Variants in PDGFC observed in about 807,000 individuals in gnomAD.
PDGFC encodes the protein platelet derived growth factor C, also known as platelet-derived growth factor C.
In PDGFC, 12 loss-of-function variants were observed where a neutral mutation model predicts 35.5. That is an observed-to-expected ratio of 0.34 (90% CI 0.22 to 0.55). The LOEUF (loss-of-function observed/expected upper bound fraction) is 0.55, where lower values mean the gene tolerates loss of function less well. Ranked by LOEUF, PDGFC falls within the 20% of genes least tolerant of loss-of-function variation. The probability of loss-of-function intolerance (pLI) is 0.91; values close to 1 mark genes in which losing one functional copy is unlikely to be tolerated. For synonymous variants in PDGFC, 159 were observed against 148.8 expected, an observed-to-expected ratio of 1.07 and a Z score of -0.50; for missense variants, 322 against 412.4, an observed-to-expected ratio of 0.78 and a Z score of 1.90.
At chr4:156,891,646 T>C (rs1421282182) in intron 1 of PDGFC, among the ~76,000 whole-genome samples, 1 of 152,104 alleles carries the variant, frequency 6.6e-6, no homozygotes, top group Non-Finnish European at 1.5e-5. Context: ...AAAAGACAAA[T>C]TGAAATAACC....
chr4:156,868,045 C>T (rs1729887134), intron 1 of PDGFC, among the ~76,000 whole-genome samples: 1 of 151,986 alleles, frequency 6.6e-6, no homozygotes, highest in Non-Finnish European at 1.5e-5. Flanking sequence ...ACCCAGCTGG[C>T]CTCAAGTGAA....
intron 1 of PDGFC, among the ~76,000 whole-genome samples, chr4:156,852,799 TG>T (rs1217399290): frequency 6.6e-6 from 1 of 152,220 alleles, no homozygotes; most frequent in African/African-American, 2.4e-5. Flanking sequence ...TCTTTATTTC[TG>T]GCTTTGAAAA....
intron 1 of PDGFC, among the ~76,000 whole-genome samples, chr4:156,925,468 T>C (rs1252017348): frequency 6.6e-6 from 1 of 152,154 alleles, no homozygotes; most frequent in Admixed American, 6.5e-5. Context: ...ACTGAGACTT[T>C]CTTCATTAGC....
rs12506589 is a variant in PDGFC, at chr4:156,876,133, C to A, written c.119-25717G>T. Among the ~76,000 whole-genome samples, 538 of 152,210 alleles carry A rather than the reference C, an allele frequency of 3.5e-3. 10 individuals are homozygous for A. The highest frequency in any genetic ancestry group is 0.027 in the Admixed American group (417 of 15,268). The stretch of plus-strand genomic sequence containing the variant: ...ACCACAAACAAAACAAAACAATGAC[C>A]TGAGTGTGCATATAAAGTTTCCCTA... On this transcript the variant is annotated intron_variant, in intron 1 of 5. Coordinates refer to ENST00000502773, the MANE Select transcript of PDGFC (RefSeq NM_016205.3).
At chr4:156,873,383 G>T (rs2111149647) in intron 1 of PDGFC, among the ~76,000 whole-genome samples, 1 of 152,228 alleles carries the variant, frequency 6.6e-6, no homozygotes, top group Admixed American at 6.5e-5. Flanking sequence ...TTTGGTTCCA[G>T]AATGATTCTG....
intron 1 of PDGFC, among the ~76,000 whole-genome samples, chr4:156,952,074 T>C (rs1012330260): frequency 6.6e-6 from 1 of 151,860 alleles, no homozygotes; most frequent in Admixed American, 6.6e-5. Context: ...GTCCTCTTTA[T>C]AGCATAAGAC....
intron 1 of PDGFC, among the ~76,000 whole-genome samples, chr4:156,908,526 A>T (rs1192595248): frequency 3.3e-5 from 5 of 152,176 alleles, no homozygotes; most frequent in Non-Finnish European, 4.4e-5. Flanking sequence ...ACAAAGAACA[A>T]ACTTGGCACT....
intron 1 of PDGFC, among the ~76,000 whole-genome samples, chr4:156,934,112 T>A (rs1731620463): frequency 6.6e-6 from 1 of 152,194 alleles, no homozygotes; most frequent in Non-Finnish European, 1.5e-5. Flanking sequence ...TATACAGTCA[T>A]GAGTCACTTA....
chr4:156,763,831 G>A (rs1730448975), intron 5 of PDGFC, among the ~76,000 whole-genome samples: 1 of 152,166 alleles, frequency 6.6e-6, no homozygotes, highest in African/African-American at 2.4e-5. Flanking sequence ...GTGAGAAGAG[G>A]TTTGGCAATA....
intron 1 of PDGFC, among the ~76,000 whole-genome samples, chr4:156,921,894 A>C: frequency 6.6e-6 from 1 of 151,620 alleles, no homozygotes; most frequent in Non-Finnish European, 1.5e-5. Flanking sequence ...TCACACTGAC[A>C]ACACACACAC....
At position 156,923,421 on chromosome 4, in the gene PDGFC, T is replaced by C. The variant is rs141969243; in HGVS notation, c.118+47365A>G. Among the ~76,000 whole-genome samples, 1,481 of 152,308 alleles carry C rather than the reference T, an allele frequency of 9.7e-3. 33 individuals carry two copies. Among genetic ancestry groups the C allele is most frequent in the African/African-American group, 0.034 (1,404 of 41,562 alleles). The stretch of plus-strand genomic sequence containing the variant: ...AAGAGAAAATAGCCCCACTATTCAA[T>C]TGTATTCAATGAATAGATATAGAAA... On this transcript the variant is annotated intron_variant, in intron 1 of 5. Coordinates refer to ENST00000502773, the MANE Select transcript of PDGFC (RefSeq NM_016205.3).
At chr4:156,794,880 G>A (rs1010682919) in intron 3 of PDGFC, among the ~76,000 whole-genome samples, 5 of 152,076 alleles carry the variant, frequency 3.3e-5, no homozygotes, top group Non-Finnish European at 7.4e-5. Flanking sequence ...TCTATTGACC[G>A]CATGCATTTA....
intron 2 of PDGFC, among the ~76,000 whole-genome samples, chr4:156,821,220 T>A (rs1732248941): frequency 6.6e-6 from 1 of 151,490 alleles, no homozygotes; most frequent in Non-Finnish European, 1.5e-5. Context: ...TGAATGTGTG[T>A]GAGAGAGTGT....
At chr4:156,936,797 G>A (rs774046922) in intron 1 of PDGFC, among the ~76,000 whole-genome samples, 4 of 152,126 alleles carry the variant, frequency 2.6e-5, no homozygotes, top group African/African-American at 7.2e-5. Context: ...GAATACTATC[G>A]TATTGCCTTG....
At chr4:156,965,364 G>A (rs1201405761) in intron 1 of PDGFC, among the ~76,000 whole-genome samples, 2 of 152,082 alleles carry the variant, frequency 1.3e-5, no homozygotes, top group Non-Finnish European at 2.9e-5. Flanking sequence ...CAAGGTCCAC[G>A]CTCTCAACAA....
chr4:156,824,453 C>A (rs1415907496), intron 2 of PDGFC, among the ~76,000 whole-genome samples: 1 of 151,478 alleles, frequency 6.6e-6, no homozygotes, highest in Non-Finnish European at 1.5e-5. Flanking sequence ...AATTAACACT[C>A]CCTTCACTGT....
chr4:156,900,396 A>G (rs779380436), intron 1 of PDGFC, among the ~76,000 whole-genome samples: 1 of 152,190 alleles, frequency 6.6e-6, no homozygotes, highest in Non-Finnish European at 1.5e-5. Context: ...CCTGGGAATC[A>G]TGATCATTTA....
intron 1 of PDGFC, among the ~76,000 whole-genome samples, chr4:156,928,229 T>C (rs7658910): frequency 0.077 from 11,781 of 152,046 alleles, 1,490 homozygotes; most frequent in African/African-American, 0.27. Flanking sequence ...TGTCAGTAGG[T>C]CATTTAATAG....
At chr4:156,817,592 G>A (rs779161497) in intron 2 of PDGFC, among the ~76,000 whole-genome samples, 4 of 152,106 alleles carry the variant, frequency 2.6e-5, no homozygotes, top group Non-Finnish European at 5.9e-5. Context: ...AGCATGACTA[G>A]CTTGGGCAAC....
Sources: gnomAD v4.1 joint callset for allele counts (sites outside exome capture counted in the v4.1 genomes callset) on GRCh38, gnomAD v4.1.1 for gene constraint, MANE v1.5 for transcripts, NCBI Gene and HGNC (gene_info 2026-07-23, HGNC 2026-07-21) for gene names.